Variants in EIF5B observed in about 807,000 individuals in gnomAD.
EIF5B encodes eukaryotic translation initiation factor 5B, also known as eIF-5B.
A neutral mutation model predicts 147.5 loss-of-function variants in EIF5B; 47 were observed. The observed-to-expected ratio is 0.32, with a 90% confidence interval of 0.25 to 0.41. The LOEUF is 0.41. EIF5B is among the 10% of genes least tolerant of loss of function. The pLI is 1.00. For missense variants in EIF5B, 1,064 were observed against 1,413.2 expected (o/e 0.75, Z 3.96); for synonymous variants, 455 against 456.2 (o/e 1.00, Z 0.03).
At chr2:99,382,679 A>T in intron 13 of EIF5B, 101 bp from the exon 14 acceptor site, 1 of 1,175,042 alleles carries the variant, frequency 8.5e-7, no homozygotes, top group Non-Finnish European at 1.2e-6. Context: ...TTTAATACAT[A>T]TACTCTATTT....
chr2:99,382,544 A>C (rs1401390698), intron 13 of EIF5B, among the ~76,000 whole-genome samples: 1 of 152,194 alleles, frequency 6.6e-6, no homozygotes, highest in African/African-American at 2.4e-5. Flanking sequence ...TAACACAGAA[A>C]ACTTGGTCAG....
At chr2:99,369,239 A>G (rs905040742) in intron 7 of EIF5B, among the ~76,000 whole-genome samples, 153 bp from the exon 8 acceptor site, 2 of 152,174 alleles carry the variant, frequency 1.3e-5, no homozygotes, top group Admixed American at 1.3e-4. Flanking sequence ...GTACCACTGC[A>G]CTCCAGCCTG....
In EIF5B at chr2:99,389,767, C is replaced by T; in HGVS notation, c.2321C>T (p.Ala774Val). 1 of 1,612,388 alleles carries T rather than the reference C, an allele frequency of 6.2e-7. No individual in the cohort carries two copies. Among genetic ancestry groups the T allele is most frequent in the Non-Finnish European group, 8.5e-7 (1 of 1,179,608 alleles). Residue 774 changes from alanine (A) to valine (V), a missense_variant, in exon 15 of 24, where the codon GCT becomes GTT. By Grantham distance (64) the Ala-to-Val change is moderately conservative. Transcript: ENST00000289371. ...AAGAGTCCTGACTCTGATGTGGCTG[C>T]TACTTTAAAGAAGCAGAAAAAGAAT... ...WKKSPDSDVA[A>V]TLKKQKKNTK...
intron 1 of EIF5B, among the ~76,000 whole-genome samples, chr2:99,343,087 A>C (rs1332390239): frequency 6.6e-6 from 1 of 151,636 alleles, no homozygotes; most frequent in African/African-American, 2.4e-5. Context: ...CAGCCTCCCA[A>C]GTGGCTGGGA....
At chr2:99,354,400 T>A (rs907531493) in intron 1 of EIF5B, among the ~76,000 whole-genome samples, 1 of 152,202 alleles carries the variant, frequency 6.6e-6, no homozygotes. Context: ...TATTTTACTG[T>A]TGAGTTTTGA....
chr2:99,384,648 T>A (rs1674762796), intron 14 of EIF5B, among the ~76,000 whole-genome samples: 1 of 152,166 alleles, frequency 6.6e-6, no homozygotes, highest in Non-Finnish European at 1.5e-5. Context: ...ATATAAACAT[T>A]GATAGGAGTT....
intron 1 of EIF5B, among the ~76,000 whole-genome samples, chr2:99,355,230 A>T (rs1363201827): frequency 1.3e-5 from 2 of 152,126 alleles, no homozygotes; most frequent in African/African-American, 4.8e-5. Context: ...GATTCCTCAC[A>T]TTTTAGTCTT....
intron 4 of EIF5B, 97 bp downstream of exon 4, chr2:99,361,917 G>A: frequency 2.5e-6 from 3 of 1,188,452 alleles, no homozygotes; most frequent in Admixed American, 2.9e-5. Flanking sequence ...TTTGTCCATG[G>A]GTATAAAGAC....
At chr2:99,388,916 A>G (rs1264848496) in intron 14 of EIF5B, among the ~76,000 whole-genome samples, 1 of 152,182 alleles carries the variant, frequency 6.6e-6, no homozygotes, top group Non-Finnish European at 1.5e-5. Flanking sequence ...GGTTTTATTG[A>G]TATTCTTTTC....
intron 1 of EIF5B, among the ~76,000 whole-genome samples, chr2:99,346,811 C>G (rs2094274400): frequency 1.3e-5 from 2 of 151,448 alleles, no homozygotes; most frequent in South Asian, 4.2e-4. Context: ...ACCTTGTGAT[C>G]CACCCGCCTC....
chr2:99,339,028 G>A (rs1180174103), intron 1 of EIF5B, among the ~76,000 whole-genome samples: 1 of 61,588 alleles, frequency 1.6e-5, no homozygotes, highest in Non-Finnish European at 4.1e-5. Flanking sequence ...TTTTTGAGAC[G>A]GAGTTTCCCT....
At chr2:99,385,396 TTGCTGTC>T (rs1047588077) in intron 14 of EIF5B, among the ~76,000 whole-genome samples, 2 of 152,300 alleles carry the variant, frequency 1.3e-5, no homozygotes, top group Non-Finnish European at 2.9e-5. Flanking sequence ...ACAGACTTCT[TTGCTGTC>T]TCTTTTAAGA....
rs1674186615 is a variant in EIF5B, at chr2:99,360,540, T to C, written c.237T>C (p.Val79=). 1 of 1,613,190 alleles carries C rather than the reference T, an allele frequency of 6.2e-7. No homozygotes were observed. The highest frequency in any genetic ancestry group is 1.7e-5 in the Admixed American group (1 of 59,812). The change falls in exon 3 of 24, where the codon GTT becomes GTC. Residue 79 remains valine (V), a synonymous_variant. Coordinates refer to ENST00000289371, the MANE Select transcript of EIF5B (RefSeq NM_015904.4). ...GCATCAAAGCTGACAGAGAAACTGT[T>C]GCAGTGAAGGTGAAAGACAGACCTT... ...AQGIKADRET[V]AVKPTENNEE...
At chr2:99,397,096 C>G in intron 22 of EIF5B, 198 bp downstream of exon 22, 1 of 481,506 alleles carries the variant, frequency 2.1e-6, no homozygotes, top group Non-Finnish European at 3.4e-6. Context: ...ACAAGCAGAG[C>G]CTGTCACCTT....
Position 99,399,433 on chromosome 2 carries a change from G to C in EIF5B, c.*19G>C. 2 of 1,606,502 alleles carry C rather than the reference G, an allele frequency of 1.2e-6. No individual in the cohort carries two copies. Among genetic ancestry groups the C allele is most frequent in the Non-Finnish European group, 1.7e-6 (2 of 1,173,458 alleles). On this transcript the variant is annotated 3_prime_UTR_variant, in exon 24 of 24. Coordinates refer to ENST00000289371, the MANE Select transcript of EIF5B (RefSeq NM_015904.4). Reference sequence around the variant, plus strand: ...CATCTAATTTTTTCACATGGAGCAGGAACTGGAGTAAATGCAATACTGTGT... The same window carrying C: ...CATCTAATTTTTTCACATGGAGCAGCAACTGGAGTAAATGCAATACTGTGT...
intron 7 of EIF5B, 43 bp downstream of exon 7, chr2:99,368,634 T>C: frequency 6.9e-7 from 1 of 1,455,448 alleles, no homozygotes; most frequent in Non-Finnish European, 9.6e-7. Flanking sequence ...ATATGTTGTT[T>C]GCCTTTCCCC....
intron 18 of EIF5B, 66 bp from the exon 19 acceptor site, chr2:99,394,201 T>C: frequency 6.5e-7 from 1 of 1,536,122 alleles, no homozygotes; most frequent in Non-Finnish European, 8.7e-7. Context: ...AGAAACACAA[T>C]TTAATTCTAG....
rs771515690 is a variant in EIF5B, at chr2:99,369,446, C to G, written c.1442C>G (p.Pro481Arg). The G allele has an allele frequency of 3.7e-6, 6 of 1,610,626 alleles. No individual in the cohort carries two copies. The East Asian group carries it at 1.3e-4, about 36-fold the overall frequency. The change falls in exon 8 of 24, where the codon CCA becomes CGA. Residue 481 changes from proline (P) to arginine (R), a missense_variant. Around this residue, in one of 4 missense-constraint regions of EIF5B, gnomAD observed 195 missense variants for 186.3 expected, o/e 1.05. Transcript: ENST00000289371. ...AAVEVMEQGV[P>R]EKEETPPPVE... ...GTAGAAGTTATGGAACAAGGAGTAC[C>G]AGAAAAGGAAGAGACACCACCTCCT...
At chr2:99,396,215 C>G (rs1675042824) in intron 21 of EIF5B, among the ~76,000 whole-genome samples, 2 of 152,146 alleles carry the variant, frequency 1.3e-5, no homozygotes, top group African/African-American at 4.8e-5. Context: ...TTCTACTTAA[C>G]AAGACTGCTG....
Sources: allele counts gnomAD v4.1 joint callset (sites outside exome capture counted in the v4.1 genomes callset), GRCh38; gene constraint gnomAD v4.1.1; regional missense constraint gnomAD v4.1.1; transcripts MANE v1.5; gene names NCBI Gene and HGNC (gene_info 2026-07-23, HGNC 2026-07-21).